The following BRIP1 variants were observed in gnomAD, a reference collection of about 807,000 sequenced individuals.
BRIP1 encodes the protein BRCA1 interacting DNA helicase 1.
Under a neutral mutation model 119.7 loss-of-function variants are expected in BRIP1, and 88 were observed. The observed-to-expected ratio is 0.74, with a 90% CI of 0.62 to 0.88. The LOEUF is 0.88. BRIP1 is among the 40% of genes least tolerant of loss of function. BRIP1 has a pLI of 0.00. For missense variants in BRIP1, 1,259 were observed against 1,455.4 expected, an observed-to-expected ratio of 0.87 and a Z score of 2.20; for synonymous variants, 443 against 496.5, an observed-to-expected ratio of 0.89 and a Z score of 1.43.
At position 61,687,286 on chromosome 17, in the gene BRIP1, A is replaced by AC. The variant is rs1404370129; in HGVS notation, c.2576-1122dup. 1.3e-5 allele frequency among the ~76,000 whole-genome samples: 2 copies of AC among 152,152 alleles called. No homozygotes were observed. Among genetic ancestry groups the AC allele is most frequent in the Admixed American group, 1.3e-4 (2 of 15,274 alleles). On this transcript the variant is annotated intron_variant, in intron 18 of 19. Coordinates refer to ENST00000259008, the MANE Select transcript of BRIP1 (RefSeq NM_032043.3). This position sits in a 1 kb window ranked among gnomAD's most constrained non-coding sequence, Gnocchi z 5.1. ...AAATAAGAATTTTAGTACTATATTT[A>AC]CCTCTTCATTTCAACCTTTTTATAA...
At chr17:61,750,494 A>G (rs2077117135) in intron 14 of BRIP1, among the ~76,000 whole-genome samples, 1 of 152,224 alleles carries the variant, frequency 6.6e-6, no homozygotes, top group Non-Finnish European at 1.5e-5. Flanking sequence ...ATAAGTAACT[A>G]AAGAAAAATA....
chr17:61,855,977 G>A (rs1229871675), intron 4 of BRIP1, among the ~76,000 whole-genome samples: 1 of 152,148 alleles, frequency 6.6e-6, no homozygotes, highest in Non-Finnish European at 1.5e-5. Flanking sequence ...ATCAGTGATG[G>A]ATACCCCAAG....
At position 61,682,419 on chromosome 17, in the gene BRIP1, A is replaced by C. The variant is rs965315430; in HGVS notation, c.*877T>G. On this transcript the variant is annotated 3_prime_UTR_variant, in exon 20 of 20. Coordinates refer to ENST00000259008, the MANE Select transcript of BRIP1 (RefSeq NM_032043.3). This position sits in a 1 kb window ranked among gnomAD's most constrained non-coding sequence, Gnocchi z 4.9. ...TAGAATAGAAAATTTGGAATACTTC[A>C]TTTGGCATTTTATATCTTTACGTCA... The C allele has an allele frequency of 4.9e-5, 10 of 205,212 alleles. No individual in the cohort carries two copies. Among genetic ancestry groups the C allele is most frequent in the Non-Finnish European group, 9.0e-5 (9 of 100,336 alleles). The allele number at this position is 205,212 out of a possible 1,614,324, so 12.7% of individuals were successfully genotyped here. A position where few individuals can be genotyped will look rare whatever the true frequency, so the allele number is the denominator to read the frequency against.
At chr17:61,820,896 G>A (rs1350226457) in intron 6 of BRIP1, among the ~76,000 whole-genome samples, 1 of 151,806 alleles carries the variant, frequency 6.6e-6, no homozygotes, top group Non-Finnish European at 1.5e-5. Flanking sequence ...GTTGCAGTGG[G>A]CTGAGATCCC....
In BRIP1 at chr17:61,746,795, A is replaced by T. The variant is rs559576042; in HGVS notation, c.2098-2204T>A. 7.2e-5 allele frequency among the ~76,000 whole-genome samples: 11 copies of T among 152,206 alleles called. No individual in the cohort carries two copies. The East Asian group carries it at 1.9e-3, about 27-fold the overall frequency. On this transcript the variant is annotated intron_variant, in intron 14 of 19. Transcript: ENST00000259008. This position sits in a 1 kb window ranked among gnomAD's most constrained non-coding sequence, Gnocchi z 4.9. ...AATGAATAAAACATCCAAACAGAAG[A>T]TCAACAAGGAAACGGAACTTGAACA...
chr17:61,771,329 T>C (rs2077444900), intron 14 of BRIP1, among the ~76,000 whole-genome samples: 1 of 152,142 alleles, frequency 6.6e-6, no homozygotes, highest in Non-Finnish European at 1.5e-5. Context: ...ATTCTGGAAT[T>C]AGACAGTGGT....
At chr17:61,812,404 A>T (rs954619516) in intron 6 of BRIP1, among the ~76,000 whole-genome samples, 1 of 152,162 alleles carries the variant, frequency 6.6e-6, no homozygotes, top group Non-Finnish European at 1.5e-5. Flanking sequence ...TCATCCAATA[A>T]TATATCTGAA....
intron 16 of BRIP1, among the ~76,000 whole-genome samples, chr17:61,723,636 G>A (rs943081356): frequency 1.3e-5 from 2 of 152,098 alleles, no homozygotes; most frequent in African/African-American, 4.8e-5. Context: ...GTGTGGTTTG[G>A]GAAGATGATC....
chr17:61,783,802 C>T (rs1238718883), intron 11 of BRIP1: 1 of 152,060 alleles, frequency 6.6e-6, no homozygotes, highest in Non-Finnish European at 1.5e-5. Context: ...TTTGGCCAGG[C>T]ATGGGCTCAC....
rs565615213 is a variant in BRIP1, at chr17:61,687,361, T to G, written c.2576-1196A>C. ...AATATCATTGTCTGCTTTTGAAAACTTGAAAGAATCTGAGCTCCACCTGCT... is the reference window on the plus strand; with the variant it reads ...AATATCATTGTCTGCTTTTGAAAACGTGAAAGAATCTGAGCTCCACCTGCT... On this transcript the variant is annotated intron_variant, in intron 18 of 19. Transcript: ENST00000259008. This position sits in a 1 kb window ranked among gnomAD's most constrained non-coding sequence, Gnocchi z 5.1. Among the ~76,000 whole-genome samples, 1 of 152,342 alleles carries G rather than the reference T, an allele frequency of 6.6e-6. No individual in the cohort carries two copies. The highest frequency in any genetic ancestry group is 1.9e-4 in the East Asian group (1 of 5,188).
chr17:61,773,193 C>T (rs1003305643), intron 14 of BRIP1, among the ~76,000 whole-genome samples: 3 of 151,696 alleles, frequency 2.0e-5, no homozygotes, highest in African/African-American at 7.3e-5. Flanking sequence ...GACAAGCAGA[C>T]AATAAACAAA....
chr17:61,719,773 G>A (rs192165794), intron 16 of BRIP1, among the ~76,000 whole-genome samples: 5 of 151,796 alleles, frequency 3.3e-5, no homozygotes, highest in Non-Finnish European at 7.4e-5. Flanking sequence ...GTAGAACAGA[G>A]GATACTAGCA....
chr17:61,701,579 T>C lies in BRIP1; in HGVS notation c.2493-8067A>G, dbSNP rs1258231162. On this transcript the variant is annotated intron_variant, in intron 17 of 19. Transcript: ENST00000259008. This position sits in a 1 kb window ranked among gnomAD's most constrained non-coding sequence, Gnocchi z 5.1. Reference sequence around the variant, plus strand: ...CTTAGGGCCTTTTCAGGTCTTTTCTTAGCATGTCCACATCACTGGTCACAT... The same window carrying C: ...CTTAGGGCCTTTTCAGGTCTTTTCTCAGCATGTCCACATCACTGGTCACAT... 6.6e-6 allele frequency among the ~76,000 whole-genome samples: 1 copy of C among 152,238 alleles called. No homozygotes were observed. The highest frequency in any genetic ancestry group is 2.4e-5 in the African/African-American group (1 of 41,456).
At position 61,689,023 on chromosome 17, in the gene BRIP1, A is replaced by ATTATGTTATGTTATGTTATG. The variant is rs1295174593; in HGVS notation, c.2576-2859_2576-2858insCATAACATAACATAACATAA. 4.1e-5 allele frequency among the ~76,000 whole-genome samples: 1 copy of ATTATGTTATGTTATGTTATG among 24,438 alleles called. No individual in the cohort carries two copies. Among genetic ancestry groups the ATTATGTTATGTTATGTTATG allele is most frequent in the East Asian group, 3.2e-3 (1 of 310 alleles). The allele number at this position is 24,438 out of a possible 152,430, so 16.0% of individuals were successfully genotyped here. On this transcript the variant is annotated intron_variant, in intron 18 of 19. Transcript: ENST00000259008. This position sits in a 1 kb window ranked among gnomAD's most constrained non-coding sequence, Gnocchi z 4.5. ...TTTTACTTTATTTTATATATTTTATATTCTGTTATGTTATGTTATGTTATG... is the reference window on the plus strand; with the variant it reads ...TTTTACTTTATTTTATATATTTTATATTATGTTATGTTATGTTATGTTCTGTTATGTTATGTTATGTTATG...
In BRIP1 at chr17:61,681,898, A is replaced by G. The variant is rs950665770; in HGVS notation, c.*1398T>C. The stretch of plus-strand genomic sequence containing the variant: ...TACTGGAAATTTTGACTTGAAAATA[A>G]TAGACCATACAGAATTCTTGGATAG... On this transcript the variant is annotated 3_prime_UTR_variant, in exon 20 of 20. Coordinates refer to ENST00000259008, the MANE Select transcript of BRIP1 (RefSeq NM_032043.3). This position sits in a 1 kb window ranked among gnomAD's most constrained non-coding sequence, Gnocchi z 5.1. 5.0e-6 allele frequency: 1 copy of G among 199,462 alleles called. No individual in the cohort carries two copies. The highest frequency in any genetic ancestry group is 1.0e-5 in the Non-Finnish European group (1 of 96,730). The allele number at this position is 199,462 out of a possible 1,614,324, so 12.4% of individuals were successfully genotyped here. A position where few individuals can be genotyped will look rare whatever the true frequency, so the allele number is the denominator to read the frequency against.
rs1016258111 is a variant in BRIP1 at position 61,861,238 on chromosome 17, T to G, written c.93+209A>C. On this transcript the variant is annotated intron_variant, in intron 2 of 19. Transcript: ENST00000259008. This position sits in a 1 kb window ranked among gnomAD's most constrained non-coding sequence, Gnocchi z 4.5. ...AGAAATTCCAAATGAGCTGAGAACA[T>G]TTTTCAGAATGTTCTTCTTTGCCTT... 6.6e-6 allele frequency among the ~76,000 whole-genome samples: 1 copy of G among 152,200 alleles called. No individual in the cohort carries two copies. Among genetic ancestry groups the G allele is most frequent in the Admixed American group, 6.5e-5 (1 of 15,286 alleles).
intron 6 of BRIP1, among the ~76,000 whole-genome samples, chr17:61,835,725 G>T (rs1024608585): frequency 6.6e-6 from 1 of 151,354 alleles, no homozygotes. Context: ...AGAAAAAAAA[G>T]TCCAGGAACC....
intron 10 of BRIP1, among the ~76,000 whole-genome samples, chr17:61,788,493 G>A (rs1158925076): frequency 1.3e-5 from 2 of 152,146 alleles, no homozygotes; most frequent in African/African-American, 4.8e-5. Flanking sequence ...TCAAATGGCA[G>A]AGTAAAACAA....
chr17:61,801,462 A>G lies in BRIP1; in HGVS notation c.931T>C (p.Tyr311His), dbSNP rs1603343412. The change falls in exon 8 of 20, where the codon TAT becomes CAT. Residue 311 changes from tyrosine to histidine, a missense_variant. Physicochemically the swap from Tyr to His is moderately conservative, Grantham distance 83. Transcript: ENST00000259008. ...ATTTTATGAACTCCATGATAAAAATAGCAGGATTTTCCCTAGAAACAAATA... is the reference window on the plus strand; with the variant it reads ...ATTTTATGAACTCCATGATAAAAATGGCAGGATTTTCCCTAGAAACAAATA... The part of the protein sequence containing the change: ...LLDGKNGKSC[Y>H]FYHGVHKISD... 1 of 1,611,254 alleles carries G rather than the reference A, an allele frequency of 6.2e-7. No individual in the cohort carries two copies. The highest frequency in any genetic ancestry group is 8.5e-7 in the Non-Finnish European group (1 of 1,177,504).
Sources: gnomAD v4.1 joint callset for allele counts (sites outside exome capture counted in the v4.1 genomes callset) on GRCh38, gnomAD v4.1.1 for gene constraint, Gnocchi (gnomAD v3.1) non-coding constraint, MANE v1.5 for transcripts, NCBI Gene and HGNC (gene_info 2026-07-23, HGNC 2026-07-21) for gene names.